DOCK3: variants seen among roughly 807,000 people sequenced by gnomAD.
DOCK3 encodes the protein dedicator of cytokinesis 3, also known as dedicator of cytokinesis protein 3.
A neutral mutation model predicts 265.6 loss-of-function variants in DOCK3; 60 were observed. The observed-to-expected ratio is 0.23, with a 90% CI of 0.18 to 0.28. The LOEUF (loss-of-function observed/expected upper bound fraction) is 0.28. DOCK3 is among the 10% of genes least tolerant of loss of function. The probability of loss-of-function intolerance (pLI) is 1.00; values close to 1 mark genes in which losing one functional copy is unlikely to be tolerated. For missense variants in DOCK3, 1,981 were observed against 2,594.3 expected (o/e 0.76, Z 5.14); for synonymous variants, 881 against 938.0 (o/e 0.94, Z 1.11).
chr3:51,329,107 C>G (rs2084348844), intron 32 of DOCK3, among the ~76,000 whole-genome samples: 1 of 152,124 alleles, frequency 6.6e-6, no homozygotes, highest in Non-Finnish European at 1.5e-5. Context: ...GAGCCGAGAT[C>G]GCGCCTGTGC....
At chr3:51,133,190 G>T (rs1247063352) in intron 9 of DOCK3, among the ~76,000 whole-genome samples, 1 of 152,102 alleles carries the variant, frequency 6.6e-6, no homozygotes, top group Non-Finnish European at 1.5e-5. Context: ...TATACTTTAA[G>T]TTCTAGGGTA....
chr3:50,816,482 A>C (rs1311745992), intron 2 of DOCK3, among the ~76,000 whole-genome samples: 1 of 151,480 alleles, frequency 6.6e-6, no homozygotes, highest in Non-Finnish European at 1.5e-5. Context: ...CCACTACGCC[A>C]GCTAATTTTT....
intron 32 of DOCK3, among the ~76,000 whole-genome samples, chr3:51,326,228 A>G (rs1042217990): frequency 6.6e-6 from 1 of 151,200 alleles, no homozygotes; most frequent in African/African-American, 2.4e-5. Context: ...CTGGACTGTA[A>G]TGTATTTTGT....
In DOCK3 at chr3:50,743,167, T is replaced by A. The variant is rs1203967497; in HGVS notation, c.38-35508T>A. Among the ~76,000 whole-genome samples, 33 of 47,742 alleles carry A rather than the reference T, an allele frequency of 6.9e-4. No homozygotes were observed. In the Admixed American group the frequency reaches 7.2e-3, roughly 10 times the overall value. 31.3% of individuals were successfully genotyped at this position (47,742 alleles called of 152,430 possible). Reference sequence around the variant, plus strand: ...TGAGAGATTTTGTCACCACCAGGCCTGCCCTAAAAGAGCTCCTTGAAGGAA... The same window carrying A: ...TGAGAGATTTTGTCACCACCAGGCCAGCCCTAAAAGAGCTCCTTGAAGGAA... On this transcript the variant is annotated intron_variant, in intron 1 of 52. Transcript: ENST00000266037.
At chr3:50,877,992 G>T (rs1163821201) in intron 3 of DOCK3, among the ~76,000 whole-genome samples, 1 of 152,126 alleles carries the variant, frequency 6.6e-6, no homozygotes, top group African/African-American at 2.4e-5. Context: ...GCCTCCGCTG[G>T]TGATACCCAG....
intron 23 of DOCK3, among the ~76,000 whole-genome samples, 162 bp from the exon 24 acceptor site, chr3:51,270,653 C>G (rs1347125935): frequency 6.6e-6 from 1 of 152,160 alleles, no homozygotes; most frequent in Non-Finnish European, 1.5e-5. Context: ...TTTTCTTGCT[C>G]CATGCCTGAG....
chr3:51,254,386 C>T (rs1487976762), intron 22 of DOCK3, among the ~76,000 whole-genome samples: 2 of 152,172 alleles, frequency 1.3e-5, no homozygotes, highest in African/African-American at 2.4e-5. Flanking sequence ...ATTAGGTCCA[C>T]TTGGTGCAGA....
At chr3:51,159,151 C>G in intron 10 of DOCK3, 93 bp from the exon 11 acceptor site, 2 of 1,229,264 alleles carry the variant, frequency 1.6e-6, no homozygotes, top group Non-Finnish European at 2.4e-6. Context: ...CTGCCTATAA[C>G]ATACAGTAAA....
chr3:51,361,822 G>C lies in DOCK3; in HGVS notation c.5007-37G>C, dbSNP rs1477985807. On this transcript the variant is annotated intron_variant, in intron 47 of 52. Transcript: ENST00000266037. The surrounding 1 kb of genome is among the most constrained non-coding windows in gnomAD (Gnocchi z 4.2). ...TACTGTCCCCCTGCCACCTGCCATGGGCCTGACTCCTCCCTATTTCCCACT... is the reference window on the plus strand; with the variant it reads ...TACTGTCCCCCTGCCACCTGCCATGCGCCTGACTCCTCCCTATTTCCCACT... The C allele has an allele frequency of 6.2e-7, 1 of 1,602,666 alleles. No individual in the cohort carries two copies. The highest frequency in any genetic ancestry group is 8.5e-7 in the Non-Finnish European group (1 of 1,174,158).
In DOCK3 at chr3:51,229,544, T is replaced by G. The variant is rs2090460399; in HGVS notation, c.1852T>G (p.Phe618Val). 3 of 1,608,034 alleles carry G rather than the reference T, an allele frequency of 1.9e-6. No individual in the cohort carries two copies. Among genetic ancestry groups the G allele is most frequent in the Admixed American group, 1.7e-5 (1 of 59,366 alleles). ...DLLALLKWKA[F>V]PDRIMDVLGR... ...CCTAGCTCTGCTGAAGTGGAAAGCC[T>G]TCCCCGACCGGATCATGGATGTACT... The change falls in exon 19 of 53, where the codon TTC becomes GTC. Residue 618 changes from phenylalanine (F) to valine (V), a missense_variant. Transcript: ENST00000266037.
At chr3:50,931,473 T>C (rs1423599395) in intron 4 of DOCK3, among the ~76,000 whole-genome samples, 1 of 152,232 alleles carries the variant, frequency 6.6e-6, no homozygotes, top group Non-Finnish European at 1.5e-5. Flanking sequence ...TCTTAAGATG[T>C]GGTATATGGA....
intron 27 of DOCK3, among the ~76,000 whole-genome samples, chr3:51,297,176 T>C (rs1198174228): frequency 6.6e-6 from 1 of 150,394 alleles, no homozygotes; most frequent in Non-Finnish European, 1.5e-5. Flanking sequence ...ATCTCTACCT[T>C]ATAGTATTTA....
chr3:51,085,167 A>C (rs1050152570), intron 7 of DOCK3, among the ~76,000 whole-genome samples: 1 of 152,240 alleles, frequency 6.6e-6, no homozygotes, highest in African/African-American at 2.4e-5. Flanking sequence ...CACAGCACCC[A>C]GATATATAAG....
At chr3:51,236,956 A>G (rs1365173719) in intron 20 of DOCK3, among the ~76,000 whole-genome samples, 1 of 152,190 alleles carries the variant, frequency 6.6e-6, no homozygotes, top group Non-Finnish European at 1.5e-5. Flanking sequence ...AGAGCCATAC[A>G]TTCAAGAAGA....
intron 5 of DOCK3, among the ~76,000 whole-genome samples, chr3:51,030,963 C>T (rs890389746): frequency 8.5e-5 from 13 of 152,140 alleles, no homozygotes; most frequent in African/African-American, 2.9e-4. Flanking sequence ...TCCTTCTTTC[C>T]TTGATCTTTG....
At chr3:50,772,490 G>A (rs189234951) in intron 1 of DOCK3, among the ~76,000 whole-genome samples, 1 of 152,192 alleles carries the variant, frequency 6.6e-6, no homozygotes, top group Admixed American at 6.5e-5. Flanking sequence ...TGAGGGGATG[G>A]ATACTTCATT....
At chr3:50,695,967 A>AGT (rs2035592121) in intron 1 of DOCK3, among the ~76,000 whole-genome samples, 1 of 152,184 alleles carries the variant, frequency 6.6e-6, no homozygotes, top group South Asian at 2.1e-4. Context: ...CAGAAAATGA[A>AGT]GTGAGGTACA....
chr3:51,349,032 G>A (rs1291127278), intron 39 of DOCK3, 94 bp downstream of exon 39: 1 of 1,229,860 alleles, frequency 8.1e-7, no homozygotes, highest in Non-Finnish European at 1.2e-6. Context: ...TAGTGCTGTG[G>A]ACAATACAAG....
At chr3:51,140,761 T>C (rs888553658) in intron 9 of DOCK3, among the ~76,000 whole-genome samples, 5 of 152,332 alleles carry the variant, frequency 3.3e-5, no homozygotes, top group East Asian at 3.9e-4. Context: ...TCAGCACTTA[T>C]GATTATCTAT....
Sources: gnomAD v4.1 joint callset for allele counts (sites outside exome capture counted in the v4.1 genomes callset) on GRCh38, gnomAD v4.1.1 for gene constraint, Gnocchi (gnomAD v3.1) non-coding constraint, MANE v1.5 for transcripts, NCBI Gene and HGNC (gene_info 2026-07-23, HGNC 2026-07-21) for gene names.